Variants in IL34 observed in about 807,000 individuals in gnomAD.
IL34 encodes interleukin 34, also known as interleukin-34.
IL34 carries 17 observed loss-of-function variants against 25.3 expected under a neutral mutation model. The observed-to-expected ratio is 0.67, with a 90% CI of 0.46 to 1.01. The LOEUF is 1.01. Among genes scored for constraint, IL34 ranks in the 50% least tolerant of loss-of-function variants. IL34 has a pLI of 0.00. For missense variants in IL34, 368 were observed against 312.9 expected (o/e 1.18, Z -1.33); for synonymous variants, 174 against 140.9 (o/e 1.23, Z -1.66).
chr16:70,609,050 T>C (rs928484310), intron 1 of IL34, among the ~76,000 whole-genome samples: 2 of 152,246 alleles, frequency 1.3e-5, no homozygotes, highest in South Asian at 4.1e-4. Flanking sequence ...TTTTTTATTT[T>C]TATTTATTTT....
At chr16:70,659,558 C>T (rs571538473) in intron 4 of IL34, 60 bp from the exon 5 acceptor site, 15 of 1,542,982 alleles carry the variant, frequency 9.7e-6, no homozygotes, top group Admixed American at 3.6e-5. Flanking sequence ...ACAGCCCTCA[C>T]GGCTCTCCTG....
chr16:70,641,843 T>A (rs145106962), upstream of IL34, among the ~76,000 whole-genome samples: 4 of 151,988 alleles, frequency 2.6e-5, no homozygotes, highest in Non-Finnish European at 5.9e-5. Context: ...GTTGGAATTA[T>A]AGGCATGAGC....
intron 1 of IL34, among the ~76,000 whole-genome samples, chr16:70,640,825 C>G (rs56220651): frequency 0.26 from 39,362 of 151,958 alleles, 5,424 homozygotes; most frequent in South Asian, 0.44. Context: ...CCAAAATTCC[C>G]CTGCGCCCCT....
Position 70,660,113 on chromosome 16 carries a change from T to TC in IL34, c.660dup (p.Ser221GlnfsTer32). On this transcript the variant is annotated frameshift_variant, in exon 6 of 6. Coordinates refer to ENST00000288098, the MANE Select transcript of IL34 (RefSeq NM_001393494.1). LOFTEE classifies it low-confidence loss of function (END_TRUNC). ...CCAGCTGTACCCTCCGCCCCCGTGGTCCCCCAGCTCCCCGCCTCACTCCAC... is the reference window on the plus strand; with the variant it reads ...CCAGCTGTACCCTCCGCCCCCGTGGTCCCCCCAGCTCCCCGCCTCACTCCAC... The TC allele has an allele frequency of 6.2e-7, 1 of 1,612,498 alleles. No homozygotes were observed. The highest frequency in any genetic ancestry group is 8.5e-7 in the Non-Finnish European group (1 of 1,179,506).
chr16:70,653,532 C>T (rs998543867), intron 1 of IL34, among the ~76,000 whole-genome samples: 3 of 151,976 alleles, frequency 2.0e-5, no homozygotes, highest in African/African-American at 7.3e-5. Context: ...TACCAGGTCT[C>T]TACAAAAAAT....
At chr16:70,652,515 CAG>C (rs1881200167) in intron 1 of IL34, among the ~76,000 whole-genome samples, 1 of 152,200 alleles carries the variant, frequency 6.6e-6, no homozygotes, top group Non-Finnish European at 1.5e-5. Context: ...GCTATGAACA[CAG>C]ATAGTGTTGA....
intron 1 of IL34, among the ~76,000 whole-genome samples, chr16:70,627,394 C>T (rs995684339): frequency 1.3e-5 from 2 of 151,640 alleles, no homozygotes; most frequent in South Asian, 2.1e-4. Context: ...CAAACACTCA[C>T]TATCCCTCCC....
At chr16:70,614,471 G>A (rs2051144304) in intron 1 of IL34, among the ~76,000 whole-genome samples, 1 of 152,180 alleles carries the variant, frequency 6.6e-6, no homozygotes, top group Non-Finnish European at 1.5e-5. Flanking sequence ...TGGTTCTTAA[G>A]CCCGCTGAGG....
chr16:70,623,320 G>T (rs2051319925), intron 1 of IL34, among the ~76,000 whole-genome samples: 1 of 151,994 alleles, frequency 6.6e-6, no homozygotes, highest in African/African-American at 2.4e-5. Context: ...AGGTATGGAG[G>T]ATAGGAGAGT....
At chr16:70,590,830 T>TG (rs1285630943) in intron 1 of IL34, among the ~76,000 whole-genome samples, 1 of 152,242 alleles carries the variant, frequency 6.6e-6, no homozygotes, top group East Asian at 1.9e-4. Context: ...CCCCGCAAGC[T>TG]GGCCTCTCCC....
chr16:70,630,047 C>G lies in IL34; in HGVS notation c.-400-16501C>G, dbSNP rs374777784. On this transcript the variant is annotated intron_variant, in intron 1 of 6. Coordinates refer to the IL34 transcript ENST00000429149. ...CCTCTGGTAACTGTCCTTCTACTCT[C>G]TATCTCCATGAGTTTGTTTTAATTT... 2.0e-5 allele frequency among the ~76,000 whole-genome samples: 3 copies of G among 152,200 alleles called. No homozygotes were observed. In the East Asian group the frequency reaches 5.8e-4, roughly 29 times the overall value.
chr16:70,624,200 T>A (rs1374279352), intron 1 of IL34, among the ~76,000 whole-genome samples: 4 of 152,006 alleles, frequency 2.6e-5, no homozygotes, highest in Non-Finnish European at 5.9e-5. Flanking sequence ...AATCCCGGGC[T>A]GCCGGCATTC....
intron 1 of IL34, among the ~76,000 whole-genome samples, chr16:70,647,458 G>A (rs1385923818): frequency 6.6e-6 from 1 of 152,166 alleles, no homozygotes; most frequent in Non-Finnish European, 1.5e-5. Context: ...GAATTAAAAA[G>A]CAGAAAGATA....
At chr16:70,593,657 C>T (rs1020273856) in intron 1 of IL34, among the ~76,000 whole-genome samples, 7 of 152,104 alleles carry the variant, frequency 4.6e-5, no homozygotes, top group Non-Finnish European at 1.0e-4. Flanking sequence ...GCTGGGACTA[C>T]AGGTGCATGC....
chr16:70,634,014 C>G (rs538539882), intron 1 of IL34, among the ~76,000 whole-genome samples: 7 of 152,182 alleles, frequency 4.6e-5, no homozygotes, highest in Admixed American at 2.0e-4. Context: ...CCACGCCCAG[C>G]TAATTTTTGT....
chr16:70,605,968 GGTTTTTTT>G (rs1439589160), intron 1 of IL34, among the ~76,000 whole-genome samples: 1 of 123,704 alleles, frequency 8.1e-6, no homozygotes, highest in South Asian at 2.7e-4. Context: ...CACCGCACCT[GGTTTTTTT>G]TTTTTTTTTT....
intron 1 of IL34, among the ~76,000 whole-genome samples, chr16:70,641,296 T>C (rs1443782702): frequency 2.0e-5 from 3 of 151,962 alleles, no homozygotes; most frequent in Non-Finnish European, 4.4e-5. Flanking sequence ...GAAAATGTTA[T>C]GCCTACACAA....
chr16:70,645,662 G>T (rs1444189895), upstream of IL34, among the ~76,000 whole-genome samples: 2 of 152,186 alleles, frequency 1.3e-5, no homozygotes, highest in African/African-American at 4.8e-5. Context: ...TATGACCTTG[G>T]ACAAGTGTCT....
At chr16:70,591,911 C>T (rs897683813) in intron 1 of IL34, among the ~76,000 whole-genome samples, 2 of 150,038 alleles carry the variant, frequency 1.3e-5, no homozygotes, top group African/African-American at 4.9e-5. Context: ...GGTGTTTGTG[C>T]TCCTTGCTGC....
Sources: gnomAD v4.1 joint callset for allele counts (sites outside exome capture counted in the v4.1 genomes callset) on GRCh38, gnomAD v4.1.1 for gene constraint, MANE v1.5 for transcripts, NCBI Gene and HGNC (gene_info 2026-07-23, HGNC 2026-07-21) for gene names.